TYW3: variants seen among roughly 807,000 people sequenced by gnomAD.
The protein encoded by TYW3 is tRNA wybutosine-synthesizing protein 3 homolog.
Under a neutral mutation model 23.1 loss-of-function variants are expected in TYW3, and 26 were observed. That is an observed-to-expected ratio of 1.13 (90% CI 0.83 to 1.56). The LOEUF (loss-of-function observed/expected upper bound fraction) is 1.56, where lower values mean the gene tolerates loss of function less well. Among genes scored for constraint, TYW3 ranks in the 40% most tolerant of loss-of-function variants. The pLI, the probability that TYW3 is intolerant of heterozygous loss-of-function variation, is 0.00. For missense variants in TYW3, 316 were observed against 311.9 expected (o/e 1.01, Z -0.10); for synonymous variants, 102 against 105.7 (o/e 0.97, Z 0.21).
chr1:74,735,334 T>G lies in TYW3; in HGVS notation c.175-1208T>G, dbSNP rs373361642. Among the ~76,000 whole-genome samples the G allele has an allele frequency of 2.3e-4, 35 of 152,278 alleles. No individual in the cohort carries two copies. The East Asian group carries it at 6.8e-3, about 29-fold the overall frequency. ...TGCTTTTGCTCATGTTTTTTGGCGG[T>G]TTTTTTCCTGAAATGTTTTCCTATC... On this transcript the variant is annotated intron_variant, in intron 1 of 5. Coordinates refer to ENST00000370867, the MANE Select transcript of TYW3 (RefSeq NM_138467.3).
At chr1:74,761,140 C>T (rs779823415) in intron 5 of TYW3, among the ~76,000 whole-genome samples, 1 of 151,302 alleles carries the variant, frequency 6.6e-6, no homozygotes, top group South Asian at 2.1e-4. Context: ...TTTTGAAAAT[C>T]AGGCTTAAGT....
chr1:74,765,667 AAG>A lies in TYW3; in HGVS notation c.*1561_*1562del, dbSNP rs1479199310. On this transcript the variant is annotated 3_prime_UTR_variant, in exon 6 of 6. Transcript: ENST00000370867. Reference sequence around the variant, plus strand: ...AAAAAAGTTATAAATAACAGTAGGAAAGAGAGAGTGCAGGTGGAACGAGCCTA... The same window carrying A: ...AAAAAAGTTATAAATAACAGTAGGAAAGAGAGTGCAGGTGGAACGAGCCTA... 3 of 152,130 alleles carry A rather than the reference AAG, an allele frequency of 2.0e-5. No individual in the cohort carries two copies. The highest frequency in any genetic ancestry group is 6.6e-5 in the Admixed American group (1 of 15,244). The allele number at this position is 152,130 out of a possible 1,614,324, so 9.4% of individuals were successfully genotyped here.
At chr1:74,735,711 T>C (rs551173459) in intron 1 of TYW3, among the ~76,000 whole-genome samples, 1 of 152,242 alleles carries the variant, frequency 6.6e-6, no homozygotes, top group African/African-American at 2.4e-5. Flanking sequence ...GCCAGCACAA[T>C]GTCAGATACG....
chr1:74,748,550 A>T, intron 3 of TYW3: 5 of 455,934 alleles, frequency 1.1e-5, no homozygotes, highest in South Asian at 2.5e-5. Context: ...ACACATCCAT[A>T]GTTCATATTT....
intron 1 of TYW3, among the ~76,000 whole-genome samples, chr1:74,735,818 T>A (rs1648135281): frequency 6.6e-6 from 1 of 152,212 alleles, no homozygotes; most frequent in Non-Finnish European, 1.5e-5. Flanking sequence ...CAGAGTCTCT[T>A]GTGGATCCAT....
chr1:74,754,360 T>C (rs1298701482), intron 5 of TYW3, among the ~76,000 whole-genome samples: 2 of 152,192 alleles, frequency 1.3e-5, no homozygotes, highest in Non-Finnish European at 2.9e-5. Context: ...GCCACGCTTA[T>C]CATATAAAAT....
chr1:74,743,552 T>G lies in TYW3; in HGVS notation c.354+4764T>G, dbSNP rs180719418. Among the ~76,000 whole-genome samples the G allele has an allele frequency of 3.0e-4, 46 of 152,332 alleles. No individual in the cohort carries two copies. In the East Asian group the frequency reaches 7.5e-3, roughly 25 times the overall value. On this transcript the variant is annotated intron_variant, in intron 3 of 5. Coordinates refer to ENST00000370867, the MANE Select transcript of TYW3 (RefSeq NM_138467.3). ...GCCGCTCGAGGAAGGCAAAATGATT[T>G]TCTTCCTTTCCCTGAGTTATGGTGG... is the stretch of plus-strand genomic sequence containing the variant.
chr1:74,762,812 C>A (rs541803983), intron 5 of TYW3, among the ~76,000 whole-genome samples: 52 of 152,218 alleles, frequency 3.4e-4, no homozygotes, highest in Non-Finnish European at 6.0e-4. Context: ...ACACACCATG[C>A]TATGCTGCCT....
chr1:74,755,202 A>G (rs1262545834), intron 5 of TYW3, among the ~76,000 whole-genome samples: 1 of 152,224 alleles, frequency 6.6e-6, no homozygotes, highest in African/African-American at 2.4e-5. Flanking sequence ...GATAAAATGT[A>G]CGCAATAGGA....
chr1:74,751,938 C>T (rs1648799514), intron 4 of TYW3, among the ~76,000 whole-genome samples: 1 of 152,080 alleles, frequency 6.6e-6, no homozygotes, highest in African/African-American at 2.4e-5. Flanking sequence ...TTTTTATTTT[C>T]CCTTGAGATT....
chr1:74,755,136 T>TG (rs1347819064), intron 5 of TYW3, among the ~76,000 whole-genome samples: 1 of 152,154 alleles, frequency 6.6e-6, no homozygotes, highest in Non-Finnish European at 1.5e-5. Context: ...AAAGCAAATC[T>TG]GGAAGAAAAG....
intron 5 of TYW3, among the ~76,000 whole-genome samples, chr1:74,753,479 T>C (rs1245160267): frequency 6.6e-6 from 1 of 152,194 alleles, no homozygotes; most frequent in Admixed American, 6.5e-5. Flanking sequence ...GTGGTGGCAG[T>C]GTAAAAGGGT....
chr1:74,738,956 G>C (rs1031389124), intron 3 of TYW3, among the ~76,000 whole-genome samples, 168 bp downstream of exon 3: 2 of 152,114 alleles, frequency 1.3e-5, no homozygotes, highest in African/African-American at 2.4e-5. Context: ...TAGAAAAAAA[G>C]AGTAGCTAAT....
At chr1:74,740,499 G>A (rs1648314164) in intron 3 of TYW3, among the ~76,000 whole-genome samples, 1 of 152,158 alleles carries the variant, frequency 6.6e-6, no homozygotes, top group Non-Finnish European at 1.5e-5. Flanking sequence ...CCCTTATTTG[G>A]CCCCACCCAC....
At chr1:74,740,030 A>G (rs116006419) in intron 3 of TYW3, among the ~76,000 whole-genome samples, 120 of 152,266 alleles carry the variant, frequency 7.9e-4, no homozygotes, top group African/African-American at 2.7e-3. Context: ...GCTGAAGTTG[A>G]AGTGTGTCCA....
chr1:74,741,894 T>C (rs938238166), intron 3 of TYW3, among the ~76,000 whole-genome samples: 2 of 152,196 alleles, frequency 1.3e-5, no homozygotes, highest in East Asian at 3.9e-4. Flanking sequence ...GATTGTGGCC[T>C]CCAGGCACAG....
At chr1:74,743,867 C>T (rs1226048110) in intron 3 of TYW3, among the ~76,000 whole-genome samples, 1 of 152,176 alleles carries the variant, frequency 6.6e-6, no homozygotes, top group Non-Finnish European at 1.5e-5. Context: ...TGACATCTCT[C>T]CAAGAGAGAT....
At chr1:74,750,818 T>C (rs1648757922) in intron 4 of TYW3, among the ~76,000 whole-genome samples, 1 of 146,128 alleles carries the variant, frequency 6.8e-6, no homozygotes, top group South Asian at 2.2e-4. Flanking sequence ...TTTTTTTTTT[T>C]TTTTTTGAGA....
At chr1:74,755,871 T>C (rs1036891177) in intron 5 of TYW3, among the ~76,000 whole-genome samples, 11 of 152,290 alleles carry the variant, frequency 7.2e-5, no homozygotes, top group African/African-American at 2.6e-4. Context: ...CTCACCCAAA[T>C]CTCATCTTGA....
Sources: allele counts gnomAD v4.1 joint callset (sites outside exome capture counted in the v4.1 genomes callset), GRCh38; gene constraint gnomAD v4.1.1; transcripts MANE v1.5; gene names NCBI Gene and HGNC (gene_info 2026-07-23, HGNC 2026-07-21).